TBL1X: variants seen among roughly 807,000 people sequenced by gnomAD.
The protein encoded by TBL1X is transducin beta like 1 X-linked.
Under a neutral mutation model 50.7 loss-of-function variants are expected in TBL1X, and 10 were observed. That is an observed-to-expected ratio of 0.20 (90% CI 0.12 to 0.33). The LOEUF (loss-of-function observed/expected upper bound fraction) is 0.33, where lower values mean the gene tolerates loss of function less well. Ranked by LOEUF, TBL1X falls within the 10% of genes least tolerant of loss-of-function variation. The pLI, the probability that TBL1X is intolerant of heterozygous loss-of-function variation, is 1.00. For synonymous variants in TBL1X, 190 were observed against 214.7 expected (o/e 0.88, Z 1.01); for missense variants, 340 against 504.4 (o/e 0.67, Z 3.12).
chrX:9,560,796 A>G (rs1046730550), intron 2 of TBL1X, among the ~76,000 whole-genome samples: 2 of 111,384 alleles, frequency 1.8e-5, no homozygotes, highest in African/African-American at 3.3e-5. Flanking sequence ...CTTTTTACGG[A>G]TGGAAAACCC....
chrX:9,656,752 C>T (rs1056931049), intron 5 of TBL1X, among the ~76,000 whole-genome samples: 1 of 112,067 alleles, frequency 8.9e-6, no homozygotes, highest in East Asian at 2.8e-4. Context: ...TTTAGAGCAC[C>T]CTACAAGGTT....
intron 2 of TBL1X, among the ~76,000 whole-genome samples, chrX:9,502,614 T>C (rs2082006911): frequency 8.9e-6 from 1 of 112,661 alleles, no homozygotes; most frequent in South Asian, 3.7e-4. Flanking sequence ...TCCAAATCCA[T>C]GTCCCTAATA....
rs73186397 is a variant in TBL1X at position 9,563,015 on chromosome X, A to G, written c.-131+61166A>G. ...GACGACAGTTTGCTATATCTGTGGT[A>G]TTTATGGAATGAGTGAAACATGCAA... On this transcript the variant is annotated intron_variant, in intron 2 of 17. Transcript: ENST00000645353. Among the ~76,000 whole-genome samples, 303 of 112,328 alleles carry G rather than the reference A, an allele frequency of 2.7e-3. 2 individuals are homozygous for G. The highest frequency in any genetic ancestry group is 4.6e-3 in the Middle Eastern group (1 of 216).
chrX:9,688,909 A>G (rs779466306), intron 7 of TBL1X, among the ~76,000 whole-genome samples: 4 of 113,872 alleles, frequency 3.5e-5, no homozygotes, highest in Non-Finnish European at 7.5e-5. Flanking sequence ...ATGCACTTGC[A>G]TGCACAGGTA....
intron 9 of TBL1X, 98 bp downstream of exon 9, chrX:9,692,352 C>A (rs2083103488): frequency 5.7e-6 from 6 of 1,053,934 alleles, no homozygotes; most frequent in Non-Finnish European, 7.6e-6. Flanking sequence ...ACATAGGAGG[C>A]AGGTGGTCCT....
intron 17 of TBL1X, 72 bp downstream of exon 17, chrX:9,715,075 C>T (rs1258374795): frequency 2.0e-5 from 20 of 1,008,054 alleles, no homozygotes; most frequent in Middle Eastern, 5.2e-4. Flanking sequence ...GCTTCCAGGG[C>T]GTGTGCAGCA....
chrX:9,581,198 G>A (rs1466659546), intron 2 of TBL1X, among the ~76,000 whole-genome samples: 1 of 112,293 alleles, frequency 8.9e-6, no homozygotes, highest in Non-Finnish European at 1.9e-5. Flanking sequence ...ACCCTTTCAC[G>A]TGCAGCCCGA....
intron 2 of TBL1X, among the ~76,000 whole-genome samples, chrX:9,627,214 C>T (rs1007973953): frequency 7.2e-5 from 8 of 111,810 alleles, no homozygotes; most frequent in Admixed American, 5.7e-4. Context: ...TTGATTCACT[C>T]ATCTAAACAT....
rs762023115 is a variant in TBL1X, at chrX:9,691,709, C to T, written c.747C>T (p.Ser249=). 6.7e-6 allele frequency: 8 copies of T among 1,191,368 alleles called. No individual in the cohort carries two copies. The highest frequency in any genetic ancestry group is 9.0e-6 in the Non-Finnish European group (8 of 887,706). The stretch of plus-strand genomic sequence containing the variant: ...ATCCTGTCAGTGATTTGCTAGCCTC[C>T]GGGTAAGGATGTCAGGGTGGGGGGC... The part of the protein sequence containing the change: ...AWNPVSDLLA[S]GSGDSTARIW... Residue 249 remains serine (S), a splice_region_variant and synonymous_variant, in exon 8 of 18, where the codon TCC becomes TCT. Coordinates refer to ENST00000645353, the MANE Select transcript of TBL1X (RefSeq NM_005647.4).
rs763411778 is a variant in TBL1X, at chrX:9,612,880, G to C, written c.-130-27393G>C. Among the ~76,000 whole-genome samples, 3 of 110,626 alleles carry C rather than the reference G, an allele frequency of 2.7e-5. No homozygotes were observed. In the South Asian group the frequency reaches 1.1e-3, roughly 42 times the overall value. On this transcript the variant is annotated intron_variant, in intron 2 of 17. Coordinates refer to ENST00000645353, the MANE Select transcript of TBL1X (RefSeq NM_005647.4). ...AAAAAATTTTAAAAACTGAATTAAAGAGCATTGTAGATAATTGTATTTTTC... is the reference window on the plus strand; with the variant it reads ...AAAAAATTTTAAAAACTGAATTAAACAGCATTGTAGATAATTGTATTTTTC...
chrX:9,639,738 A>C (rs1039012398), intron 2 of TBL1X: 1 of 111,347 alleles, frequency 9.0e-6, no homozygotes, highest in African/African-American at 3.3e-5. Flanking sequence ...TTTTATGAGC[A>C]CAGTACATGA....
At chrX:9,471,572 C>T (rs2081814986) in intron 1 of TBL1X, among the ~76,000 whole-genome samples, 1 of 111,911 alleles carries the variant, frequency 8.9e-6, no homozygotes, top group East Asian at 2.8e-4. Context: ...TTAAAATAAG[C>T]GATATTTTGG....
intron 2 of TBL1X, among the ~76,000 whole-genome samples, chrX:9,525,457 G>C (rs1476438612): frequency 8.9e-6 from 1 of 111,990 alleles, no homozygotes; most frequent in Non-Finnish European, 1.9e-5. Flanking sequence ...CAAATACCGC[G>C]GGAACACTGG....
intron 15 of TBL1X, 24 bp downstream of exon 15, chrX:9,709,784 C>T (rs2083233811): frequency 8.3e-7 from 1 of 1,201,905 alleles, no homozygotes; most frequent in African/African-American, 1.7e-5. Flanking sequence ...ACACAGCTGG[C>T]ACAGCTCGGT....
At chrX:9,479,832 A>G (rs1241757487) in intron 1 of TBL1X, among the ~76,000 whole-genome samples, 1 of 111,975 alleles carries the variant, frequency 8.9e-6, no homozygotes, top group African/African-American at 3.2e-5. Context: ...CTTATTTACC[A>G]GGTTTTTCAC....
At chrX:9,555,654 TCC>T (rs775946810) in intron 2 of TBL1X, among the ~76,000 whole-genome samples, 2 of 111,804 alleles carry the variant, frequency 1.8e-5, no homozygotes, top group South Asian at 7.5e-4. Flanking sequence ...CATTTCACAT[TCC>T]CACCCAAATG....
chrX:9,492,841 GT>G (rs1569206036), intron 1 of TBL1X, among the ~76,000 whole-genome samples: 6 of 8,888 alleles, frequency 6.8e-4, no homozygotes, highest in African/African-American at 6.2e-4. Flanking sequence ...GCTAGAGGGT[GT>G]GTGTGTGTGT....
intron 1 of TBL1X, among the ~76,000 whole-genome samples, chrX:9,471,483 A>G (rs1203161400): frequency 8.9e-6 from 1 of 112,255 alleles, no homozygotes; most frequent in African/African-American, 3.2e-5. Flanking sequence ...GTTAAGGATG[A>G]CGGTTTTATG....
intron 2 of TBL1X, among the ~76,000 whole-genome samples, chrX:9,565,045 C>T (rs376737426): frequency 0.01 from 1,122 of 109,591 alleles, 4 homozygotes; most frequent in African/African-American, 0.015. Flanking sequence ...CCGAGGCGGG[C>T]GGGTCACGAG....
Sources: allele counts gnomAD v4.1 joint callset (sites outside exome capture counted in the v4.1 genomes callset), GRCh38; gene constraint gnomAD v4.1.1; transcripts MANE v1.5; gene names NCBI Gene and HGNC (gene_info 2026-07-23, HGNC 2026-07-21).